Variants in LUZP2 observed in about 807,000 individuals in gnomAD.
LUZP2 encodes leucine zipper protein 2.
In LUZP2, 52 loss-of-function variants were observed where a neutral mutation model predicts 51.6. That is an observed-to-expected ratio of 1.01 (90% CI 0.81 to 1.27). LUZP2 has a LOEUF of 1.27. Ranked by LOEUF, LUZP2 falls within the 50% of genes most tolerant of loss-of-function variation. The pLI is 0.00. For synonymous variants in LUZP2, 154 were observed against 137.3 expected, an observed-to-expected ratio of 1.12 and a Z score of -0.85; for missense variants, 436 against 395.4, an observed-to-expected ratio of 1.10 and a Z score of -0.87.
At chr11:25,071,830 A>T (rs1439275710) in intron 10 of LUZP2, among the ~76,000 whole-genome samples, 3 of 67,318 alleles carry the variant, frequency 4.5e-5, no homozygotes, top group African/African-American at 1.4e-4. Context: ...AAAAAGAAAT[A>T]AAAAATTTAA....
chr11:24,595,621 T>C (rs1853416254), intron 1 of LUZP2, among the ~76,000 whole-genome samples: 1 of 152,180 alleles, frequency 6.6e-6, no homozygotes, highest in Admixed American at 6.5e-5. Context: ...TTTTAGGAAA[T>C]GAGTTTATGC....
At chr11:24,509,203 A>G (rs1407139792) in intron 1 of LUZP2, among the ~76,000 whole-genome samples, 3 of 152,120 alleles carry the variant, frequency 2.0e-5, no homozygotes, top group Non-Finnish European at 4.4e-5. Context: ...AAAAGCAACA[A>G]ACTCAACATT....
chr11:24,717,718 A>G (rs577437051), intron 1 of LUZP2, among the ~76,000 whole-genome samples: 6 of 151,782 alleles, frequency 4.0e-5, no homozygotes, highest in Non-Finnish European at 7.4e-5. Context: ...CCCGGCCCCC[A>G]ATAGTTATCT....
intron 9 of LUZP2, among the ~76,000 whole-genome samples, chr11:25,046,876 A>G (rs1858330311): frequency 6.6e-6 from 1 of 152,198 alleles, no homozygotes; most frequent in African/African-American, 2.4e-5. Context: ...AATGGCATGG[A>G]GACAATAATT....
chr11:24,748,928 C>CCA (rs1859478294), intron 4 of LUZP2, among the ~76,000 whole-genome samples: 1 of 152,024 alleles, frequency 6.6e-6, no homozygotes, highest in Non-Finnish European at 1.5e-5. Context: ...TCTTCTTTAT[C>CCA]CATTATGCTT....
chr11:24,990,180 C>A (rs888176285), intron 9 of LUZP2, among the ~76,000 whole-genome samples: 3 of 151,928 alleles, frequency 2.0e-5, no homozygotes, highest in Non-Finnish European at 4.4e-5. Context: ...ATTTTACTAC[C>A]TTTTTCGAGG....
intron 8 of LUZP2, among the ~76,000 whole-genome samples, chr11:24,980,853 T>C (rs538159215): frequency 2.6e-5 from 4 of 151,756 alleles, no homozygotes; most frequent in African/African-American, 7.2e-5. Context: ...GGCTCTAATA[T>C]GGAAATGAGT....
chr11:25,030,192 A>T (rs1490865300), intron 9 of LUZP2, among the ~76,000 whole-genome samples: 1 of 152,150 alleles, frequency 6.6e-6, no homozygotes, highest in Non-Finnish European at 1.5e-5. Context: ...AATTTTATAG[A>T]ATCAGTAATA....
intron 1 of LUZP2, among the ~76,000 whole-genome samples, chr11:24,565,849 T>C (rs959018021): frequency 2.0e-5 from 3 of 152,174 alleles, no homozygotes; most frequent in Non-Finnish European, 4.4e-5. Flanking sequence ...GGTTTCTTTA[T>C]AGCATTAAAA....
At chr11:24,527,114 G>A (rs1177176375) in intron 1 of LUZP2, among the ~76,000 whole-genome samples, 1 of 151,318 alleles carries the variant, frequency 6.6e-6, no homozygotes, top group Non-Finnish European at 1.5e-5. Context: ...CTCTTAGCCA[G>A]GTTTCTTTGA....
intron 5 of LUZP2, among the ~76,000 whole-genome samples, chr11:24,861,857 G>A (rs1046651050): frequency 5.9e-5 from 9 of 152,146 alleles, no homozygotes; most frequent in African/African-American, 2.2e-4. Flanking sequence ...TGGTGCCACA[G>A]GGAACAGGAC....
At chr11:24,605,575 T>C (rs1007410388) in intron 1 of LUZP2, among the ~76,000 whole-genome samples, 1 of 151,860 alleles carries the variant, frequency 6.6e-6, no homozygotes, top group African/African-American at 2.4e-5. Context: ...TTTTATTGAA[T>C]GGACATTGAT....
intron 1 of LUZP2, among the ~76,000 whole-genome samples, chr11:24,686,199 A>C (rs1856892133): frequency 7.2e-6 from 1 of 139,658 alleles, no homozygotes; most frequent in Non-Finnish European, 1.5e-5. Flanking sequence ...TTTTGATAGA[A>C]TTTGAAGGAA....
intron 9 of LUZP2, among the ~76,000 whole-genome samples, chr11:25,048,149 C>T (rs1384054218): frequency 6.6e-5 from 10 of 152,064 alleles, no homozygotes; most frequent in Non-Finnish European, 2.9e-5. Flanking sequence ...ATTTGTAGCT[C>T]AATTTTGGGA....
intron 7 of LUZP2, among the ~76,000 whole-genome samples, chr11:24,956,251 C>T (rs757235098): frequency 1.3e-5 from 2 of 151,664 alleles, no homozygotes; most frequent in African/African-American, 2.4e-5. Context: ...ATAATATGGC[C>T]ACAAGCAAGG....
chr11:25,077,319 A>G lies in LUZP2; in HGVS notation c.859-10A>G, dbSNP rs1406793362. The G allele has an allele frequency of 4.4e-6, 7 of 1,605,372 alleles. No individual in the cohort carries two copies. The Admixed American group carries it at 8.3e-5, about 19-fold the overall frequency. ...CTTCATTGATGTATTTTTAATTGCT[A>G]CTTTTGTAGGAGGGCAGACCGTGTT... On this transcript the variant is annotated splice_polypyrimidine_tract_variant and intron_variant, in intron 10 of 11. Coordinates refer to ENST00000336930, the MANE Select transcript of LUZP2 (RefSeq NM_001009909.4).
chr11:24,565,704 A>G (rs1190393228), intron 1 of LUZP2, among the ~76,000 whole-genome samples: 1 of 152,172 alleles, frequency 6.6e-6, no homozygotes, highest in Admixed American at 6.6e-5. Flanking sequence ...AGAATACACA[A>G]GATTACAAAC....
chr11:24,924,425 GC>G (rs1854167375), intron 7 of LUZP2, among the ~76,000 whole-genome samples: 1 of 151,912 alleles, frequency 6.6e-6, no homozygotes. Context: ...CCTCTTTACT[GC>G]CCGTTCCTGC....
intron 7 of LUZP2, among the ~76,000 whole-genome samples, chr11:24,920,058 AG>A: frequency 6.6e-6 from 1 of 151,876 alleles, no homozygotes; most frequent in East Asian, 1.9e-4. Context: ...GATGGTTTAA[AG>A]ATTTAAGTCA....
Sources: gnomAD v4.1 joint callset for allele counts (sites outside exome capture counted in the v4.1 genomes callset) on GRCh38, gnomAD v4.1.1 for gene constraint, MANE v1.5 for transcripts, NCBI Gene and HGNC (gene_info 2026-07-23, HGNC 2026-07-21) for gene names.